The following SH2D7 variants were observed in gnomAD, a reference collection of about 807,000 sequenced individuals.
The protein encoded by SH2D7 is SH2 domain-containing protein 7.
In SH2D7, 32 loss-of-function variants were observed where a neutral mutation model predicts 40.8. The observed-to-expected ratio is 0.78, with a 90% CI of 0.59 to 1.05. The LOEUF is 1.05. Among genes scored for constraint, SH2D7 ranks in the 50% least tolerant of loss-of-function variants. The probability of loss-of-function intolerance (pLI) is 0.00; values close to 1 mark genes in which losing one functional copy is unlikely to be tolerated. For missense variants in SH2D7, 559 were observed against 566.6 expected, an observed-to-expected ratio of 0.99 and a Z score of 0.14; for synonymous variants, 195 against 221.5, an observed-to-expected ratio of 0.88 and a Z score of 1.06.
intron 2 of SH2D7, among the ~76,000 whole-genome samples, chr15:78,094,905 C>G (rs1028951617): frequency 6.6e-6 from 1 of 152,098 alleles, no homozygotes; most frequent in Non-Finnish European, 1.5e-5. Flanking sequence ...AGGACAAAGG[C>G]AAAGATGGTG....
intron 1 of SH2D7, among the ~76,000 whole-genome samples, chr15:78,092,993 G>A (rs1422175612): frequency 6.6e-6 from 1 of 152,114 alleles, no homozygotes; most frequent in African/African-American, 2.4e-5. Context: ...GTTGAGGATG[G>A]CTGGGGCTGC....
At chr15:78,092,985 T>G (rs946496412) in intron 1 of SH2D7, among the ~76,000 whole-genome samples, 1 of 151,712 alleles carries the variant, frequency 6.6e-6, no homozygotes, top group African/African-American at 2.4e-5. Context: ...TAGTACAAGT[T>G]GAGGATGGCT....
chr15:78,099,331 G>C (rs902290634), intron 4 of SH2D7, among the ~76,000 whole-genome samples: 3 of 151,430 alleles, frequency 2.0e-5, no homozygotes, highest in African/African-American at 7.3e-5. Context: ...TTTTATTTTT[G>C]AGACAGAGTC....
intron 4 of SH2D7, among the ~76,000 whole-genome samples, 161 bp from the exon 5 acceptor site, chr15:78,100,738 G>A (rs925109819): frequency 2.6e-4 from 40 of 152,148 alleles, no homozygotes; most frequent in Non-Finnish European, 5.0e-4. Flanking sequence ...GAGCATGAGC[G>A]CTGGAAGGGA....
rs768277527 is a variant in SH2D7, at chr15:78,097,954, GTCA to G, written c.296_298del (p.Ile99del). 6.2e-7 allele frequency: 1 copy of G among 1,612,284 alleles called. No homozygotes were observed. The highest frequency in any genetic ancestry group is 1.7e-5 in the Admixed American group (1 of 59,684). On this transcript the variant is annotated inframe_deletion, in exon 3 of 6. Transcript: ENST00000328828. ...GGGCAGTGATCGCTGCCGACATTTTGTCATCAACCAGCTTCGAAACCGGCGTTA... is the reference window on the plus strand; with the variant it reads ...GGGCAGTGATCGCTGCCGACATTTTGTCAACCAGCTTCGAAACCGGCGTTA...
At chr15:78,093,059 G>T (rs1425300571) in intron 1 of SH2D7, among the ~76,000 whole-genome samples, 2 of 152,210 alleles carry the variant, frequency 1.3e-5, no homozygotes, top group African/African-American at 4.8e-5. Flanking sequence ...GTAACTAGGG[G>T]ACCATATCTT....
At chr15:78,092,479 TG>T, upstream of SH2D7, 3 of 1,253,528 alleles carry the variant, frequency 2.4e-6, no homozygotes, top group Non-Finnish European at 3.2e-6. Context: ...CTGTGTGCTA[TG>T]GGCCCTTGGG....
rs1240325529 is a variant in SH2D7 at position 78,100,925 on chromosome 15, T to C, written c.672T>C (p.Pro224=). ...MEAPIRVSPL[P]EKSSSLLEES... ...CTCCCATCAGAGTGTCTCCACTCCC[T>C]GAGAAGAGTTCCTCCCTCCTGGAAG... The change falls in exon 5 of 6, where the codon CCT becomes CCC. Residue 224 remains proline, a synonymous_variant. Transcript: ENST00000328828. The C allele has an allele frequency of 9.3e-6, 15 of 1,613,648 alleles. No homozygotes were observed. Among genetic ancestry groups the C allele is most frequent in the Non-Finnish European group, 1.3e-5 (15 of 1,179,860 alleles).
At chr15:78,090,782 T>C (rs969727663), upstream of SH2D7, among the ~76,000 whole-genome samples, 4 of 152,330 alleles carry the variant, frequency 2.6e-5, no homozygotes, top group African/African-American at 9.6e-5. Context: ...ATATAGCTAG[T>C]ATGCTGGAAT....
At chr15:78,090,278 C>T (rs1479148687), upstream of SH2D7, among the ~76,000 whole-genome samples, 3 of 152,054 alleles carry the variant, frequency 2.0e-5, no homozygotes, top group Non-Finnish European at 2.9e-5. Flanking sequence ...CATGGTGGCA[C>T]GCGCCTGTAG....
intron 2 of SH2D7, 110 bp from the exon 3 acceptor site, chr15:78,097,819 G>T: frequency 7.1e-7 from 1 of 1,407,334 alleles, no homozygotes; most frequent in Non-Finnish European, 9.6e-7. Context: ...GTCTGTTCTG[G>T]ATCAAGAGCT....
Position 78,098,087 on chromosome 15 carries a change from GC to G in SH2D7, c.430del (p.Arg144GlyfsTer60). 1.2e-6 allele frequency: 2 copies of G among 1,608,264 alleles called. No individual in the cohort carries two copies. The highest frequency in any genetic ancestry group is 1.7e-5 in the Admixed American group (1 of 59,080). On this transcript the variant is annotated frameshift_variant, in exon 3 of 6. Transcript: ENST00000328828. LOFTEE classifies it high-confidence loss of function. ...EPFKEMLTAA[C>X]PRPEDNDLYD... ...TTCAAAGAGATGCTGACTGCTGCCTGCCCCCGGGTAGGCGCCCCACTTCCCC... is the reference window on the plus strand; with the variant it reads ...TTCAAAGAGATGCTGACTGCTGCCTGCCCCGGGTAGGCGCCCCACTTCCCC...
chr15:78,098,414 AC>A lies in SH2D7; in HGVS notation c.466del (p.Arg156GlyfsTer48). ...PEDNDLYDAI[T>X]RGLHQTIVDP... The stretch of plus-strand genomic sequence containing the variant: ...GGACAATGATCTGTATGATGCCATC[AC>A]CCGGGGCCTCCACCAGACCATCGTG... On this transcript the variant is annotated frameshift_variant, in exon 4 of 6. Transcript: ENST00000328828. LOFTEE classifies it high-confidence loss of function. The A allele has an allele frequency of 6.2e-7, 1 of 1,613,612 alleles. No homozygotes were observed. The highest frequency in any genetic ancestry group is 8.5e-7 in the Non-Finnish European group (1 of 1,179,830).
In SH2D7 at chr15:78,103,608, C is replaced by A; in HGVS notation, c.*93C>A. The A allele has an allele frequency of 7.0e-7, 1 of 1,438,514 alleles. No individual in the cohort carries two copies. Among genetic ancestry groups the A allele is most frequent in the Non-Finnish European group, 9.5e-7 (1 of 1,054,286 alleles). 89.1% of individuals were successfully genotyped at this position (1,438,514 alleles called of 1,614,324 possible). A position where few individuals can be genotyped will look rare whatever the true frequency, so the allele number is the denominator to read the frequency against. On this transcript the variant is annotated 3_prime_UTR_variant, in exon 6 of 6. Coordinates refer to ENST00000328828, the MANE Select transcript of SH2D7 (RefSeq NM_001101404.2). ...AGGCCTCAGCTCACTTGAAGGCACC[C>A]TTTGGATCTTGAGACTCATCCAGCC...
chr15:78,094,000 A>G, intron 1 of SH2D7, 112 bp from the exon 2 acceptor site: 1 of 997,228 alleles, frequency 1.0e-6, no homozygotes, highest in African/African-American at 1.6e-5. Context: ...AAAGGGTTGG[A>G]GGTCTGGAAC....
chr15:78,098,659 T>A, intron 4 of SH2D7, 63 bp downstream of exon 4: 1 of 1,532,300 alleles, frequency 6.5e-7, no homozygotes, highest in Non-Finnish European at 8.9e-7. Flanking sequence ...GGTGCCATGC[T>A]CCCAGTCAGA....
rs138068587 is a variant in SH2D7 at position 78,094,953 on chromosome 15, G to A, written c.266+752G>A. Among the ~76,000 whole-genome samples, 1,038 of 152,272 alleles carry A rather than the reference G, an allele frequency of 6.8e-3. 4 individuals are homozygous for A. The highest frequency in any genetic ancestry group is 0.027 in the Middle Eastern group (8 of 294). ...GTCCCAAGAGTAGGTTGGTCAGGAC[G>A]GGGAATTCAGAGGAGGTAAGAAGGC... On this transcript the variant is annotated intron_variant, in intron 2 of 5. Coordinates refer to ENST00000328828, the MANE Select transcript of SH2D7 (RefSeq NM_001101404.2).
In SH2D7 at chr15:78,099,071, T is replaced by C. The variant is rs146629389; in HGVS notation, c.645+475T>C. Among the ~76,000 whole-genome samples the C allele has an allele frequency of 8.8e-3, 1,342 of 151,970 alleles. 5 individuals carry two copies. Among genetic ancestry groups the C allele is most frequent in the Middle Eastern group, 0.041 (12 of 294 alleles). On this transcript the variant is annotated intron_variant, in intron 4 of 5. Coordinates refer to ENST00000328828, the MANE Select transcript of SH2D7 (RefSeq NM_001101404.2). The stretch of plus-strand genomic sequence containing the variant: ...CTGCAATGCCCAGGCTGGAGTGCAA[T>C]GGTGCAATCTCAGCTCACTGCAATC...
At chr15:78,099,655 G>A (rs2073999621) in intron 4 of SH2D7, among the ~76,000 whole-genome samples, 1 of 151,954 alleles carries the variant, frequency 6.6e-6, no homozygotes, top group Non-Finnish European at 1.5e-5. Flanking sequence ...TCAGATCACA[G>A]CATGCCAACA....
Sources: allele counts gnomAD v4.1 joint callset (sites outside exome capture counted in the v4.1 genomes callset), GRCh38; gene constraint gnomAD v4.1.1; transcripts MANE v1.5; gene names NCBI Gene and HGNC (gene_info 2026-07-23, HGNC 2026-07-21).